Variants in RASGRF2 observed in about 807,000 individuals in gnomAD.
RASGRF2 encodes the protein ras-specific guanine nucleotide-releasing factor 2.
A neutral mutation model predicts 151.0 loss-of-function variants in RASGRF2; 76 were observed. The ratio of observed to expected loss-of-function variants is 0.50; its 90% CI spans 0.42 to 0.61. The LOEUF (loss-of-function observed/expected upper bound fraction) is 0.61, where lower values mean the gene tolerates loss of function less well. Among genes scored for constraint, RASGRF2 ranks in the 20% least tolerant of loss-of-function variants. RASGRF2 has a pLI of 0.00. For synonymous variants in RASGRF2, 504 were observed against 566.5 expected, an observed-to-expected ratio of 0.89 and a Z score of 1.57; for missense variants, 1,148 against 1,564.6, an observed-to-expected ratio of 0.73 and a Z score of 4.49.
At chr5:81,179,586 C>T (rs1754865008) in intron 17 of RASGRF2, among the ~76,000 whole-genome samples, 2 of 152,120 alleles carry the variant, frequency 1.3e-5, no homozygotes, top group South Asian at 2.1e-4. Flanking sequence ...ATGATCAAAC[C>T]GAACTAACAG....
At chr5:81,036,670 A>G (rs1199079110) in intron 1 of RASGRF2, among the ~76,000 whole-genome samples, 8 of 151,422 alleles carry the variant, frequency 5.3e-5, no homozygotes, top group South Asian at 4.2e-4. Flanking sequence ...TATTTTATCA[A>G]TTTTTTTTTA....
intron 1 of RASGRF2, among the ~76,000 whole-genome samples, chr5:81,005,972 A>C (rs1409615141): frequency 6.6e-6 from 1 of 152,202 alleles, no homozygotes; most frequent in Non-Finnish European, 1.5e-5. Flanking sequence ...GTTTTATCGG[A>C]CAATCTTTAA....
At chr5:81,152,824 T>C (rs764041125) in intron 17 of RASGRF2, among the ~76,000 whole-genome samples, 1 of 152,230 alleles carries the variant, frequency 6.6e-6, no homozygotes, top group Non-Finnish European at 1.5e-5. Context: ...GAGACTGCTC[T>C]TGTCTCCTTA....
At position 81,068,982 on chromosome 5, in the gene RASGRF2, A is replaced by G. The variant is rs76608903; in HGVS notation, c.543+803A>G. Among the ~76,000 whole-genome samples, 832 of 152,350 alleles carry G rather than the reference A, an allele frequency of 5.5e-3. 7 individuals are homozygous for G. Among genetic ancestry groups the G allele is most frequent in the African/African-American group, 0.017 (726 of 41,578 alleles). On this transcript the variant is annotated intron_variant, in intron 3 of 26. Transcript: ENST00000265080. ...CCCTCTTTCTGCCCAGGGATGCATT[A>G]GTATCTTCTGAGATTCAAAGAAGGG...
intron 17 of RASGRF2, among the ~76,000 whole-genome samples, chr5:81,149,446 G>A (rs1053480867): frequency 6.6e-6 from 1 of 151,824 alleles, no homozygotes; most frequent in African/African-American, 2.4e-5. Flanking sequence ...AAAGGCATAA[G>A]AATGACACAA....
chr5:81,115,049 C>G lies in RASGRF2; in HGVS notation c.2470+1129C>G, dbSNP rs372188372. 1.2e-4 allele frequency among the ~76,000 whole-genome samples: 19 copies of G among 152,234 alleles called. No homozygotes were observed. In the East Asian group the frequency reaches 3.7e-3, roughly 29 times the overall value. ...GAAATTACAAACAGCTTTTAAAAAA[C>G]TGTATAAGAACTGACTTATTGATAA... On this transcript the variant is annotated intron_variant, in intron 15 of 26. Coordinates refer to ENST00000265080, the MANE Select transcript of RASGRF2 (RefSeq NM_006909.3).
At chr5:80,994,636 G>A (rs756050229) in intron 1 of RASGRF2, among the ~76,000 whole-genome samples, 12 of 152,130 alleles carry the variant, frequency 7.9e-5, no homozygotes, top group Non-Finnish European at 1.6e-4. Flanking sequence ...TGGTATTGTG[G>A]ACTCTCCTGT....
At chr5:81,168,089 G>A (rs143055662) in intron 17 of RASGRF2, among the ~76,000 whole-genome samples, 9 of 151,858 alleles carry the variant, frequency 5.9e-5, no homozygotes, top group Non-Finnish European at 8.8e-5. Context: ...CACTGATTTC[G>A]CCAGCACACT....
In RASGRF2 at chr5:81,229,617, T is replaced by C. The variant is rs1363936851; in HGVS notation, c.*3847T>C. 1 of 152,252 alleles carries C rather than the reference T, an allele frequency of 6.6e-6. No individual in the cohort carries two copies. Among genetic ancestry groups the C allele is most frequent in the Non-Finnish European group, 1.5e-5 (1 of 68,042 alleles). 9.4% of individuals were successfully genotyped at this position (152,252 alleles called of 1,614,324 possible). ...TAGGATTGATAGCACTAGTCTGATC[T>C]GCTCAAGGAAAATAATAGTTCTATT... On this transcript the variant is annotated 3_prime_UTR_variant, in exon 27 of 27. Coordinates refer to ENST00000265080, the MANE Select transcript of RASGRF2 (RefSeq NM_006909.3).
chr5:81,047,244 T>C (rs1750865136), intron 2 of RASGRF2, among the ~76,000 whole-genome samples: 1 of 152,158 alleles, frequency 6.6e-6, no homozygotes, highest in Non-Finnish European at 1.5e-5. Flanking sequence ...GACACTGAAT[T>C]GATCCCTTGG....
chr5:81,083,702 C>T (rs1752150153), intron 7 of RASGRF2, among the ~76,000 whole-genome samples: 1 of 152,134 alleles, frequency 6.6e-6, no homozygotes, highest in Non-Finnish European at 1.5e-5. Context: ...TTGGCTTCAG[C>T]TGCTCATGTA....
intron 2 of RASGRF2, among the ~76,000 whole-genome samples, chr5:81,062,745 T>G (rs1439915120): frequency 1.3e-5 from 2 of 152,248 alleles, no homozygotes; most frequent in African/African-American, 2.4e-5. Flanking sequence ...GTGTGTCAAC[T>G]TCTAGTTTCT....
intron 2 of RASGRF2, among the ~76,000 whole-genome samples, chr5:81,050,214 C>T (rs549053043): frequency 7.2e-5 from 11 of 152,286 alleles, no homozygotes; most frequent in African/African-American, 1.9e-4. Flanking sequence ...TCTGCCACCT[C>T]GCCTGTCTCT....
intron 18 of RASGRF2, among the ~76,000 whole-genome samples, chr5:81,188,732 C>T (rs1201842653): frequency 1.3e-5 from 2 of 152,196 alleles, no homozygotes; most frequent in Admixed American, 6.5e-5. Flanking sequence ...ATTACCACTG[C>T]TTTACAGATG....
At chr5:80,995,061 C>G (rs1748791748) in intron 1 of RASGRF2, among the ~76,000 whole-genome samples, 1 of 152,056 alleles carries the variant, frequency 6.6e-6, no homozygotes, top group South Asian at 2.1e-4. Context: ...TCGAGACCAT[C>G]CTGCCTAACA....
At chr5:81,121,479 A>G (rs1454409491) in intron 15 of RASGRF2, among the ~76,000 whole-genome samples, 2 of 152,228 alleles carry the variant, frequency 1.3e-5, no homozygotes, top group African/African-American at 2.4e-5. Flanking sequence ...CATTGCAATG[A>G]TAATGCCAGC....
intron 1 of RASGRF2, among the ~76,000 whole-genome samples, chr5:80,973,253 A>G (rs1405414268): frequency 6.6e-6 from 1 of 152,216 alleles, no homozygotes; most frequent in African/African-American, 2.4e-5. Flanking sequence ...ATGTGCTTAC[A>G]GTAGGTTGCG....
chr5:81,076,716 A>G (rs1308859182), intron 5 of RASGRF2, among the ~76,000 whole-genome samples: 1 of 152,152 alleles, frequency 6.6e-6, no homozygotes, highest in Non-Finnish European at 1.5e-5. Context: ...GATGGGGCAG[A>G]TGGGAGGGAA....
intron 2 of RASGRF2, among the ~76,000 whole-genome samples, chr5:81,050,100 C>T (rs1750964784): frequency 6.6e-6 from 1 of 152,188 alleles, no homozygotes; most frequent in African/African-American, 2.4e-5. Context: ...ACTGCAGTCA[C>T]CACTTGTGGA....
Sources: gnomAD v4.1 joint callset for allele counts (sites outside exome capture counted in the v4.1 genomes callset) on GRCh38, gnomAD v4.1.1 for gene constraint, MANE v1.5 for transcripts, NCBI Gene and HGNC (gene_info 2026-07-23, HGNC 2026-07-21) for gene names.